Variants in SFTPD observed in about 807,000 individuals in gnomAD.
SFTPD encodes surfactant protein D, also known as pulmonary surfactant-associated protein D.
A neutral mutation model predicts 34.6 loss-of-function variants in SFTPD; 18 were observed. The ratio of observed to expected loss-of-function variants is 0.52; its 90% CI spans 0.36 to 0.77. The LOEUF (loss-of-function observed/expected upper bound fraction) is 0.77, where lower values mean the gene tolerates loss of function less well. Ranked by LOEUF, SFTPD falls within the 30% of genes least tolerant of loss-of-function variation. SFTPD has a pLI of 0.00. For synonymous variants in SFTPD, 155 were observed against 180.9 expected (o/e 0.86, Z 1.15); for missense variants, 433 against 468.9 (o/e 0.92, Z 0.71).
chr10:79,972,593 A>T (rs11200982), intron 1 of SFTPD: 11,854 of 152,052 alleles, frequency 0.078, 899 homozygotes, highest in East Asian at 0.39. Flanking sequence ...TCACTTCATG[A>T]CCTAGATAAT....
At chr10:79,961,551 C>G (rs541894449) in intron 1 of SFTPD, among the ~76,000 whole-genome samples, 1 of 152,190 alleles carries the variant, frequency 6.6e-6, no homozygotes, top group African/African-American at 2.4e-5. Flanking sequence ...AAATGCTCGT[C>G]ATCACTGGCC....
chr10:79,959,509 A>G (rs1564533309), intron 1 of SFTPD, among the ~76,000 whole-genome samples: 1 of 152,206 alleles, frequency 6.6e-6, no homozygotes, highest in East Asian at 1.9e-4. Context: ...AGAGAATACT[A>G]TAAACACCTC....
upstream of SFTPD, among the ~76,000 whole-genome samples, chr10:79,952,087 A>G (rs1335546172): frequency 6.6e-6 from 1 of 152,244 alleles, no homozygotes; most frequent in Non-Finnish European, 1.5e-5. Flanking sequence ...GGAGGTCTGC[A>G]GAAAACACCC....
At chr10:79,976,974 T>C (rs1842867073) in intron 1 of SFTPD, among the ~76,000 whole-genome samples, 1 of 152,204 alleles carries the variant, frequency 6.6e-6, no homozygotes, top group African/African-American at 2.4e-5. Context: ...TCATTTTCTC[T>C]TGATGGCAGC....
rs1358557583 is a variant in SFTPD, at chr10:79,942,726, A to T, written c.316+37T>A. 4 of 1,352,736 alleles carry T rather than the reference A, an allele frequency of 3.0e-6. No individual in the cohort carries two copies. In the African/African-American group the frequency reaches 4.3e-5, roughly 15 times the overall value. The allele number at this position is 1,352,736 out of a possible 1,614,324, so 83.8% of individuals were successfully genotyped here. On this transcript the variant is annotated intron_variant, in intron 3 of 7. Coordinates refer to ENST00000372292, the MANE Select transcript of SFTPD (RefSeq NM_003019.5). ...GGCATATCCTTGCAGCTGCACCACC[A>T]CCTGGAAACACCTGAAGTCGACACC...
chr10:79,952,437 C>T (rs1842715524), upstream of SFTPD, among the ~76,000 whole-genome samples: 1 of 152,232 alleles, frequency 6.6e-6, no homozygotes, highest in Non-Finnish European at 1.5e-5. Flanking sequence ...GAACCACACT[C>T]CTCCCCTTCA....
At chr10:79,965,438 C>G (rs566974532) in intron 1 of SFTPD, among the ~76,000 whole-genome samples, 1 of 151,972 alleles carries the variant, frequency 6.6e-6, no homozygotes, top group African/African-American at 2.4e-5. Flanking sequence ...CGCCCCTAAT[C>G]CCGCTCGAAG....
At chr10:79,965,130 AAGG>A (rs2132517013) in intron 1 of SFTPD, among the ~76,000 whole-genome samples, 2 of 152,234 alleles carry the variant, frequency 1.3e-5, no homozygotes, top group East Asian at 3.9e-4. Flanking sequence ...CCAACTTAAA[AAGG>A]AGGACTCTGT....
chr10:79,941,279 C>T lies in SFTPD; in HGVS notation c.667+119G>A, dbSNP rs17879262. 1,485 of 860,434 alleles carry T rather than the reference C, an allele frequency of 1.7e-3. 22 individuals carry two copies. The African/African-American group carries it at 0.022, about 13-fold the overall frequency. 53.3% of individuals were successfully genotyped at this position (860,434 alleles called of 1,614,324 possible). The stretch of plus-strand genomic sequence containing the variant: ...CTGTCCGCCTTTCCTGAGTTCCACC[C>T]ACCAGCTGCCATTAATGGGGCACAC... On this transcript the variant is annotated intron_variant, in intron 6 of 7. Coordinates refer to ENST00000372292, the MANE Select transcript of SFTPD (RefSeq NM_003019.5).
chr10:79,964,799 T>A (rs1842794577), intron 1 of SFTPD, among the ~76,000 whole-genome samples: 1 of 152,142 alleles, frequency 6.6e-6, no homozygotes, highest in Admixed American at 6.6e-5. Flanking sequence ...TTGACTTTAC[T>A]CACATGCCTT....
intron 1 of SFTPD, among the ~76,000 whole-genome samples, chr10:79,959,735 A>G (rs1313380673): frequency 6.6e-6 from 1 of 152,228 alleles, no homozygotes; most frequent in Non-Finnish European, 1.5e-5. Context: ...AGCTGGTACC[A>G]TTCCTTCTGA....
rs377377464 is a variant in SFTPD at position 79,945,347 on chromosome 10, A to G, written c.199+1114T>C. Among the ~76,000 whole-genome samples the G allele has an allele frequency of 2.4e-4, 36 of 150,930 alleles. No homozygotes were observed. The East Asian group carries it at 6.0e-3, about 25-fold the overall frequency. Reference sequence around the variant, plus strand: ...GACAGCCCTCCCCAAGCCCCATCCCATTCACGTTGGGAGCCACTTTCTGTC... The same window carrying G: ...GACAGCCCTCCCCAAGCCCCATCCCGTTCACGTTGGGAGCCACTTTCTGTC... On this transcript the variant is annotated intron_variant, in intron 2 of 7. Transcript: ENST00000372292.
chr10:79,961,396 A>G (rs1842771800), intron 1 of SFTPD, among the ~76,000 whole-genome samples: 1 of 151,900 alleles, frequency 6.6e-6, no homozygotes, highest in African/African-American at 2.4e-5. Context: ...CAACCTACTC[A>G]TCTGATAAAG....
chr10:79,951,812 G>A (rs75448566), upstream of SFTPD, among the ~76,000 whole-genome samples: 876 of 152,222 alleles, frequency 5.8e-3, 6 homozygotes, highest in African/African-American at 0.02. Context: ...GCTTTGGAGG[G>A]GGACACAAAA....
intron 1 of SFTPD, among the ~76,000 whole-genome samples, chr10:79,964,542 T>C (rs1842792766): frequency 6.6e-6 from 1 of 152,116 alleles, no homozygotes; most frequent in African/African-American, 2.4e-5. Flanking sequence ...CCAAGGAAAA[T>C]ATCTCCTTCC....
intron 2 of SFTPD, among the ~76,000 whole-genome samples, chr10:79,943,291 C>A (rs973381213): frequency 1.3e-5 from 2 of 152,146 alleles, no homozygotes; most frequent in African/African-American, 2.4e-5. Flanking sequence ...TCGATTTGCT[C>A]ATTTATTTGT....
rs557964107 is a variant in SFTPD, at chr10:79,938,099, G to A, written c.881C>T (p.Ala294Val). ...AGGQLASPRS[A>V]AENAALQQLV... The stretch of plus-strand genomic sequence containing the variant: ...CTGTTGCAAGGCGGCATTCTCAGCG[G>A]CAGAGCGTGGAGAGGCCAACTGTCC... The change falls in exon 8 of 8, where the codon GCC (alanine) becomes GTC (valine). Residue 294 changes from alanine to valine, a missense_variant. Physicochemically the swap from Ala to Val is moderately conservative, Grantham distance 64. Transcript: ENST00000372292. The A allele has an allele frequency of 5.6e-6, 9 of 1,614,184 alleles. No homozygotes were observed. The East Asian group carries it at 1.1e-4, about 20-fold the overall frequency.
chr10:79,942,278 C>T, intron 4 of SFTPD, 110 bp downstream of exon 4: 1 of 796,608 alleles, frequency 1.3e-6, no homozygotes, highest in Non-Finnish European at 2.1e-6. Flanking sequence ...GCCTTTGCAG[C>T]ATCAAGGGTC....
intron 1 of SFTPD, chr10:79,973,334 T>C (rs1318986737): frequency 6.6e-6 from 1 of 152,152 alleles, no homozygotes; most frequent in Non-Finnish European, 1.5e-5. Context: ...AAAATATCTT[T>C]GAAGGCCAGG....
Sources: allele counts gnomAD v4.1 joint callset (sites outside exome capture counted in the v4.1 genomes callset), GRCh38; gene constraint gnomAD v4.1.1; transcripts MANE v1.5; gene names NCBI Gene and HGNC (gene_info 2026-07-23, HGNC 2026-07-21).